The following PACRG variants were observed in gnomAD, a reference collection of about 807,000 sequenced individuals.
PACRG encodes the protein parkin coregulated.
Under a neutral mutation model 29.7 loss-of-function variants are expected in PACRG, and 29 were observed. The ratio of observed to expected loss-of-function variants is 0.98; its 90% CI spans 0.73 to 1.33. PACRG has a LOEUF of 1.33. Ranked by LOEUF, PACRG falls within the 40% of genes most tolerant of loss-of-function variation. PACRG has a pLI of 0.00. For synonymous variants in PACRG, 116 were observed against 118.7 expected, an observed-to-expected ratio of 0.98 and a Z score of 0.15; for missense variants, 279 against 316.2, an observed-to-expected ratio of 0.88 and a Z score of 0.89.
At chr6:162,900,306 A>T (rs533938124) in intron 2 of PACRG, among the ~76,000 whole-genome samples, 1 of 151,928 alleles carries the variant, frequency 6.6e-6, no homozygotes, top group African/African-American at 2.4e-5. Flanking sequence ...ATTTTACTCC[A>T]TCTCTTCTTG....
At chr6:163,122,622 T>G (rs1312364249) in intron 4 of PACRG, among the ~76,000 whole-genome samples, 1 of 152,180 alleles carries the variant, frequency 6.6e-6, no homozygotes, top group Non-Finnish European at 1.5e-5. Flanking sequence ...TGTGACCAGA[T>G]GCAGCCCCAG....
rs117986627 is a variant in PACRG at position 162,850,992 on chromosome 6, C to A, written c.291+36711C>A. 9.8e-5 allele frequency among the ~76,000 whole-genome samples: 15 copies of A among 152,342 alleles called. No individual in the cohort carries two copies. In the East Asian group the frequency reaches 2.9e-3, roughly 29 times the overall value. On this transcript the variant is annotated intron_variant, in intron 2 of 4. Transcript: ENST00000366888. ...ACTGAATCCTAGGACACCCAGCTGG[C>A]ATTTACTACAGAATTGATTGTTGCC...
intron 3 of PACRG, among the ~76,000 whole-genome samples, chr6:163,087,869 A>T (rs1813743186): frequency 6.6e-6 from 1 of 151,934 alleles, no homozygotes; most frequent in African/African-American, 2.4e-5. Flanking sequence ...GGAGGTGAGG[A>T]TGGAGACCAG....
At chr6:162,912,572 C>CT (rs745997012) in intron 2 of PACRG, among the ~76,000 whole-genome samples, 10,068 of 137,028 alleles carry the variant, frequency 0.073, 437 homozygotes, top group Middle Eastern at 0.1. Flanking sequence ...ATATTATATT[C>CT]TTTTTTTTTT....
intron 4 of PACRG, among the ~76,000 whole-genome samples, chr6:163,302,034 G>A (rs928170827): frequency 8.5e-5 from 13 of 152,074 alleles, no homozygotes; most frequent in Non-Finnish European, 1.8e-4. Flanking sequence ...ACTAAACTGA[G>A]GAATTTTAAG....
chr6:163,053,217 G>A (rs976166777), intron 2 of PACRG, among the ~76,000 whole-genome samples: 5 of 152,104 alleles, frequency 3.3e-5, no homozygotes, highest in African/African-American at 7.2e-5. Flanking sequence ...ATGACTATTT[G>A]TGAATCTAAA....
intron 2 of PACRG, among the ~76,000 whole-genome samples, chr6:162,972,416 G>T (rs1801610569): frequency 6.6e-6 from 1 of 151,966 alleles, no homozygotes; most frequent in South Asian, 2.1e-4. Context: ...TCTTTCAGTT[G>T]GCTTTTTTTT....
chr6:162,943,139 G>A (rs547469165), intron 2 of PACRG, among the ~76,000 whole-genome samples: 14 of 152,288 alleles, frequency 9.2e-5, no homozygotes, highest in South Asian at 2.1e-4. Context: ...CTCTGTGACC[G>A]CATTGCTCGA....
At chr6:162,769,954 TAG>T (rs1451803822) in intron 1 of PACRG, among the ~76,000 whole-genome samples, 1 of 152,074 alleles carries the variant, frequency 6.6e-6, no homozygotes, top group Non-Finnish European at 1.5e-5. Context: ...TGAGGCCTCC[TAG>T]ATTTTAAAAA....
At chr6:162,795,080 A>C (rs1316056665) in intron 1 of PACRG, among the ~76,000 whole-genome samples, 2 of 152,088 alleles carry the variant, frequency 1.3e-5, no homozygotes, top group Non-Finnish European at 2.9e-5. Flanking sequence ...GAGATGAGGT[A>C]ATGAAACAGA....
chr6:163,190,819 T>G (rs1349783253), intron 4 of PACRG: 4 of 380,116 alleles, frequency 1.1e-5, no homozygotes, highest in East Asian at 7.9e-5. Context: ...AGAAACAACT[T>G]AACAACTTCG....
intron 1 of PACRG, among the ~76,000 whole-genome samples, chr6:162,776,624 C>G (rs1783663881): frequency 6.6e-6 from 1 of 152,160 alleles, no homozygotes; most frequent in Admixed American, 6.5e-5. Flanking sequence ...AGGCTCCAAC[C>G]TGCTAGCAGG....
intron 3 of PACRG, among the ~76,000 whole-genome samples, chr6:163,071,843 A>G (rs1421183613): frequency 6.6e-6 from 1 of 151,982 alleles, no homozygotes; most frequent in Admixed American, 6.6e-5. Flanking sequence ...GAAACTGACA[A>G]ATTCCTAAAC....
intron 2 of PACRG, among the ~76,000 whole-genome samples, chr6:163,036,663 A>T (rs1415490932): frequency 6.6e-6 from 1 of 152,240 alleles, no homozygotes; most frequent in Non-Finnish European, 1.5e-5. Context: ...AAAGTCACAC[A>T]AAATGACTTG....
At chr6:163,003,413 A>G (rs1804760368) in intron 2 of PACRG, among the ~76,000 whole-genome samples, 1 of 152,202 alleles carries the variant, frequency 6.6e-6, no homozygotes, top group African/African-American at 2.4e-5. Flanking sequence ...TCTGTGAGGA[A>G]GGGAAGAGGA....
intron 2 of PACRG, among the ~76,000 whole-genome samples, chr6:162,977,156 T>G (rs959600980): frequency 2.6e-5 from 4 of 151,986 alleles, no homozygotes; most frequent in African/African-American, 9.7e-5. Flanking sequence ...AATATAGATA[T>G]GAGTTGAAGG....
At chr6:162,748,136 A>T (rs1226098793) in intron 1 of PACRG, among the ~76,000 whole-genome samples, 1 of 152,136 alleles carries the variant, frequency 6.6e-6, no homozygotes, top group Non-Finnish European at 1.5e-5. Context: ...ATTTGTCATT[A>T]AAGAAAGTGG....
At chr6:162,744,994 C>T (rs528674001) in intron 1 of PACRG, among the ~76,000 whole-genome samples, 2 of 152,042 alleles carry the variant, frequency 1.3e-5, no homozygotes, top group East Asian at 3.9e-4. Context: ...ATTTATACTT[C>T]CTTTTGGGCC....
chr6:162,881,962 G>T lies in PACRG; in HGVS notation c.291+67681G>T, dbSNP rs967354304. 6.3e-4 allele frequency among the ~76,000 whole-genome samples: 22 copies of T among 34,894 alleles called. 1 individual carries two copies. The highest frequency in any genetic ancestry group is 3.3e-4 in the Non-Finnish European group (6 of 18,120). 22.9% of individuals were successfully genotyped at this position (34,894 alleles called of 152,430 possible). On this transcript the variant is annotated intron_variant, in intron 2 of 4. Coordinates refer to ENST00000366888, the MANE Select transcript of PACRG (RefSeq NM_001080379.2). ...CTCTCCACCAAGACCAGAGATGGGT[G>T]GGGGGGGGCACTCTTCCACTAAGGA...
Sources: gnomAD v4.1 joint callset for allele counts (sites outside exome capture counted in the v4.1 genomes callset) on GRCh38, gnomAD v4.1.1 for gene constraint, MANE v1.5 for transcripts, NCBI Gene and HGNC (gene_info 2026-07-23, HGNC 2026-07-21) for gene names.